STARD7: variants seen among roughly 807,000 people sequenced by gnomAD.
The protein encoded by STARD7 is stAR-related lipid transfer protein 7, mitochondrial.
In STARD7, 30 loss-of-function variants were observed where a neutral mutation model predicts 45.3. That is an observed-to-expected ratio of 0.66 (90% CI 0.50 to 0.90). STARD7 has a LOEUF of 0.90. Ranked by LOEUF, STARD7 falls within the 40% of genes least tolerant of loss-of-function variation. STARD7 has a pLI of 0.00. For missense variants in STARD7, 495 were observed against 491.3 expected, an observed-to-expected ratio of 1.01 and a Z score of -0.07; for synonymous variants, 199 against 183.0, an observed-to-expected ratio of 1.09 and a Z score of -0.70.
At chr2:96,188,948 G>GT (rs947044528) in intron 6 of STARD7, among the ~76,000 whole-genome samples, 164 of 147,806 alleles carry the variant, frequency 1.1e-3, no homozygotes, top group South Asian at 3.0e-3. Flanking sequence ...CACTTTGGGT[G>GT]TTTTTTTTTT....
intron 1 of STARD7, among the ~76,000 whole-genome samples, 178 bp downstream of exon 1, chr2:96,207,966 CA>C (rs1307907066): frequency 6.6e-6 from 1 of 152,208 alleles, no homozygotes; most frequent in Non-Finnish European, 1.5e-5. Flanking sequence ...TATAACCCGA[CA>C]AATGCAAATT....
In STARD7 at chr2:96,208,487, G is replaced by A; in HGVS notation, c.-53C>T. ...CTTCCGGGGCCCAAGGAACCAGTCC[G>A]GAGGGGCGCAGGCGGTGGTCGCAGC... On this transcript the variant is annotated 5_prime_UTR_variant, in exon 1 of 8. Coordinates refer to ENST00000337288, the MANE Select transcript of STARD7 (RefSeq NM_020151.4). 4 of 1,333,546 alleles carry A rather than the reference G, an allele frequency of 3.0e-6. No homozygotes were observed. Among genetic ancestry groups the A allele is most frequent in the Non-Finnish European group, 3.8e-6 (4 of 1,046,124 alleles). 82.6% of individuals were successfully genotyped at this position (1,333,546 alleles called of 1,614,324 possible).
chr2:96,204,625 C>T (rs1290290078), intron 1 of STARD7, among the ~76,000 whole-genome samples: 1 of 151,594 alleles, frequency 6.6e-6, no homozygotes, highest in Non-Finnish European at 1.5e-5. Context: ...AGTTCTAGGG[C>T]AACTAGTTAA....
rs1233408158 is a variant in STARD7 at position 96,185,460 on chromosome 2, C to T, written c.*1270G>A. The T allele has an allele frequency of 6.6e-6, 1 of 152,224 alleles. No individual in the cohort carries two copies. Among genetic ancestry groups the T allele is most frequent in the Admixed American group, 6.5e-5 (1 of 15,282 alleles). The allele number at this position is 152,224 out of a possible 1,614,324, so 9.4% of individuals were successfully genotyped here. On this transcript the variant is annotated 3_prime_UTR_variant, in exon 8 of 8. Coordinates refer to ENST00000337288, the MANE Select transcript of STARD7 (RefSeq NM_020151.4). ...AAGGAGGAGGATTTAAAACTTGATC[C>T]CTATTATTCTAACAAATTGCAGCAT...
In STARD7 at chr2:96,194,985, C is replaced by T; in HGVS notation, c.522G>A (p.Val174=). The change falls in exon 3 of 8, where the codon GTG becomes GTA. Residue 174 remains valine (V), a synonymous_variant. Coordinates refer to ENST00000337288, the MANE Select transcript of STARD7 (RefSeq NM_020151.4). ...QYRVFGTYTD[V]TPRQFFNVQL... ...GAACATTGAAGAACTGCCGAGGTGT[C>T]ACATCTGTGTAGGTTCCAAAAACTA... 6.2e-7 allele frequency: 1 copy of T among 1,610,364 alleles called. No homozygotes were observed. Among genetic ancestry groups the T allele is most frequent in the Non-Finnish European group, 8.5e-7 (1 of 1,178,376 alleles).
chr2:96,201,937 G>A (rs1683310999), intron 1 of STARD7, among the ~76,000 whole-genome samples: 1 of 152,162 alleles, frequency 6.6e-6, no homozygotes, highest in African/African-American at 2.4e-5. Context: ...CTCTACAGCT[G>A]ACCAGCTGTG....
intron 7 of STARD7, 71 bp downstream of exon 7, chr2:96,187,146 C>T (rs1417395182): frequency 1.7e-6 from 2 of 1,204,334 alleles, no homozygotes; most frequent in Non-Finnish European, 2.4e-6. Flanking sequence ...GTTTTATTTC[C>T]CCATTAGGAA....
chr2:96,191,306 A>G (rs1683122152), intron 6 of STARD7, among the ~76,000 whole-genome samples: 1 of 152,192 alleles, frequency 6.6e-6, no homozygotes, highest in African/African-American at 2.4e-5. Context: ...AGATAAAACA[A>G]TTTTGGCCAT....
At chr2:96,197,070 A>AAACTAACCTAACCTAACCTAAACTAAAC (rs1573943516) in intron 1 of STARD7, among the ~76,000 whole-genome samples, 3 of 96,396 alleles carry the variant, frequency 3.1e-5, no homozygotes, top group Non-Finnish European at 6.0e-5. Flanking sequence ...CCGTCTCAAA[A>AAACTAACCTAACCTAACCTAAACTAAAC]TAAAATAAAA....
intron 6 of STARD7, chr2:96,187,733 G>T (rs535812373): frequency 6.6e-6 from 1 of 152,564 alleles, no homozygotes; most frequent in Non-Finnish European, 1.5e-5. Context: ...CGAGGCAGGC[G>T]GATCACCTGA....
intron 3 of STARD7, 35 bp downstream of exon 3, chr2:96,194,923 G>C (rs369722380): frequency 1.0e-5 from 16 of 1,576,424 alleles, no homozygotes; most frequent in Admixed American, 7.0e-5. Context: ...TGATATGCTA[G>C]GAGGCTCCAA....
Position 96,208,144 on chromosome 2 carries a change from C to G in STARD7, c.290+1G>C. On this transcript the variant is annotated splice_donor_variant, in intron 1 of 7. Transcript: ENST00000337288. LOFTEE classifies it high-confidence loss of function. The stretch of plus-strand genomic sequence containing the variant: ...CAGAAAGAGCTCGCCGCAGCGCCCA[C>G]CTCTGCAACTCCTCCTCCTGGATCC... 1 of 1,569,296 alleles carries G rather than the reference C, an allele frequency of 6.4e-7. No homozygotes were observed. The highest frequency in any genetic ancestry group is 8.6e-7 in the Non-Finnish European group (1 of 1,158,106).
At chr2:96,187,493 G>T in intron 6 of STARD7, 192 bp from the exon 7 acceptor site, 2 of 520,246 alleles carry the variant, frequency 3.8e-6, no homozygotes, top group Admixed American at 3.3e-5. Context: ...TTGCAATGTT[G>T]ACCCTTGGCC....
In STARD7 at chr2:96,208,408, G is replaced by A. The variant is rs759573594; in HGVS notation, c.27C>T (p.Ala9=). 4.9e-5 allele frequency: 71 copies of A among 1,437,008 alleles called. No individual in the cohort carries two copies. In the South Asian group the frequency reaches 5.0e-4, roughly 10 times the overall value. The allele number at this position is 1,437,008 out of a possible 1,614,324, so 89.0% of individuals were successfully genotyped here. Residue 9 remains alanine, a synonymous_variant, in exon 1 of 8, where the codon GCC becomes GCT. Coordinates refer to ENST00000337288, the MANE Select transcript of STARD7 (RefSeq NM_020151.4). ...CCCCGCCCCGCGTCCCCGCCAGCCA[G>A]GCGGCCAGCAGCCTCCGCGGGAGCA... MLPRRLLA[A]WLAGTRGGGL... is the part of the protein sequence containing the mutation.
At chr2:96,205,555 C>T (rs907450010) in intron 1 of STARD7, among the ~76,000 whole-genome samples, 1 of 152,166 alleles carries the variant, frequency 6.6e-6, no homozygotes, top group African/African-American at 2.4e-5. Context: ...ACTTGAGACA[C>T]ACTCCAACTG....
chr2:96,202,430 T>C (rs1350173290), intron 1 of STARD7, among the ~76,000 whole-genome samples: 5 of 152,152 alleles, frequency 3.3e-5, no homozygotes, highest in Non-Finnish European at 7.3e-5. Context: ...GTTTCTTTGT[T>C]ACAACCAAGA....
rs60808208 is a variant in STARD7 at position 96,201,409 on chromosome 2, T to TAAAAAAAAAAA, written c.291-5871_291-5861dup. Among the ~76,000 whole-genome samples the TAAAAAAAAAAA allele has an allele frequency of 2.2e-3, 238 of 109,520 alleles. 5 individuals are homozygous for TAAAAAAAAAAA. Among genetic ancestry groups the TAAAAAAAAAAA allele is most frequent in the African/African-American group, 6.3e-3 (176 of 27,766 alleles). 71.8% of individuals were successfully genotyped at this position (109,520 alleles called of 152,430 possible). ...TGGGCAACATGCAAAACTCCACCTC[T>TAAAAAAAAAAA]AAAAAAAAAAAAAAAAAATTACACA... On this transcript the variant is annotated intron_variant, in intron 1 of 7. Transcript: ENST00000337288.
intron 1 of STARD7, among the ~76,000 whole-genome samples, chr2:96,199,128 C>T (rs1337463088): frequency 6.6e-6 from 1 of 152,162 alleles, no homozygotes; most frequent in African/African-American, 2.4e-5. Context: ...AAACTTTGTT[C>T]TCTTTTTTCA....
chr2:96,201,596 A>C, intron 1 of STARD7, among the ~76,000 whole-genome samples: 1 of 151,428 alleles, frequency 6.6e-6, no homozygotes, highest in Admixed American at 6.6e-5. Flanking sequence ...AAAAAAAAAA[A>C]ATTGGCCAGG....
Sources: gnomAD v4.1 joint callset for allele counts (sites outside exome capture counted in the v4.1 genomes callset) on GRCh38, gnomAD v4.1.1 for gene constraint, MANE v1.5 for transcripts, NCBI Gene and HGNC (gene_info 2026-07-23, HGNC 2026-07-21) for gene names.